The following SYNE2 variants were observed in gnomAD, a reference collection of about 807,000 sequenced individuals.
SYNE2 encodes nesprin-2.
In SYNE2, 431 loss-of-function variants were observed where a neutral mutation model predicts 856.3. The observed-to-expected ratio is 0.50, with a 90% confidence interval of 0.47 to 0.55. The LOEUF is 0.55. Among genes scored for constraint, SYNE2 ranks in the 20% least tolerant of loss-of-function variants. SYNE2 has a pLI of 0.00. For missense variants in SYNE2, 8,129 were observed against 8,023.2 expected (o/e 1.01, Z -0.50); for synonymous variants, 2,923 against 2,872.3 (o/e 1.02, Z -0.56).
intron 1 of SYNE2, among the ~76,000 whole-genome samples, chr14:63,858,766 A>G (rs960689660): frequency 6.6e-6 from 1 of 152,188 alleles, no homozygotes; most frequent in African/African-American, 2.4e-5. Context: ...TGGAGGGGAC[A>G]TTTAAACCAT....
At chr14:64,109,776 T>C (rs2097793177) in intron 65 of SYNE2, among the ~76,000 whole-genome samples, 1 of 152,180 alleles carries the variant, frequency 6.6e-6, no homozygotes, top group Admixed American at 6.5e-5. Flanking sequence ...TCTGTCTCAT[T>C]GGCACAGCAC....
chr14:63,891,106 G>A (rs1474363699), intron 1 of SYNE2, among the ~76,000 whole-genome samples: 6 of 152,178 alleles, frequency 3.9e-5, no homozygotes, highest in African/African-American at 1.4e-4. Context: ...AATTGGGATG[G>A]AAAGCCTCTA....
In SYNE2 at chr14:64,068,747, A is replaced by G. The variant is rs1255970; in HGVS notation, c.10432-1898A>G. ...CATGGTGGCAGGTGCCTGTAATCCC[A>G]GCTGCTCGGGAGGCTGAGGCAGAGG... On this transcript the variant is annotated intron_variant, in intron 51 of 115. Coordinates refer to ENST00000555002, the MANE Select transcript of SYNE2 (RefSeq NM_182914.3). 1.2e-4 allele frequency among the ~76,000 whole-genome samples: 18 copies of G among 150,836 alleles called. 1 individual carries two copies. The highest frequency in any genetic ancestry group is 4.6e-4 in the Admixed American group (7 of 15,140).
intron 1 of SYNE2, among the ~76,000 whole-genome samples, chr14:63,771,995 A>G (rs527679082): frequency 6.6e-6 from 1 of 152,366 alleles, no homozygotes; most frequent in East Asian, 1.9e-4. Flanking sequence ...TGAGAACCTC[A>G]AAAATGCTAA....
chr14:64,101,784 T>TA (rs1262466454), intron 63 of SYNE2, 148 bp from the exon 64 acceptor site: 5 of 661,648 alleles, frequency 7.6e-6, no homozygotes, highest in African/African-American at 5.5e-5. Flanking sequence ...AAAATACAGA[T>TA]AAAAAAATGG....
At chr14:64,096,673 A>C (rs778924333) in intron 61 of SYNE2, among the ~76,000 whole-genome samples, 3 of 152,232 alleles carry the variant, frequency 2.0e-5, no homozygotes, top group Non-Finnish European at 4.4e-5. Flanking sequence ...GGGTATTGGC[A>C]TAGAAATGTG....
intron 45 of SYNE2, among the ~76,000 whole-genome samples, chr14:64,033,854 A>G (rs1481282758): frequency 1.3e-5 from 2 of 152,192 alleles, no homozygotes; most frequent in Non-Finnish European, 2.9e-5. Context: ...GTCCTCAAAT[A>G]ATTTTCATAA....
intron 95 of SYNE2, among the ~76,000 whole-genome samples, chr14:64,176,379 T>C (rs1455809619): frequency 1.3e-5 from 2 of 152,230 alleles, no homozygotes; most frequent in African/African-American, 4.8e-5. Flanking sequence ...GTTTTAAATA[T>C]GATAATACTT....
chr14:63,836,739 C>T (rs987853470), intron 1 of SYNE2, among the ~76,000 whole-genome samples: 2 of 152,136 alleles, frequency 1.3e-5, no homozygotes, highest in Non-Finnish European at 2.9e-5. Context: ...TCTGTCTTTG[C>T]CTCTCCTTTC....
chr14:63,967,977 A>G (rs2096418137), intron 11 of SYNE2, 131 bp downstream of exon 11: 5 of 830,104 alleles, frequency 6.0e-6, no homozygotes, highest in Non-Finnish European at 1.0e-5. Flanking sequence ...AGCCTGGCCA[A>G]CATGGCGAAA....
chr14:63,991,595 A>T (rs571125414), intron 21 of SYNE2, among the ~76,000 whole-genome samples: 1 of 152,302 alleles, frequency 6.6e-6, no homozygotes, highest in Admixed American at 6.5e-5. Flanking sequence ...AGACCCAATA[A>T]TGTTTTGTAT....
Position 64,140,063 on chromosome 14 carries a change from A to G in SYNE2, c.14966A>G (p.Asn4989Ser), listed in dbSNP as rs202029221. 22 of 1,613,538 alleles carry G rather than the reference A, an allele frequency of 1.4e-5. No individual in the cohort carries two copies. Among genetic ancestry groups the G allele is most frequent in the Middle Eastern group, 1.6e-4 (1 of 6,084 alleles). ...TTGGATACAATCAGAAGCAACATCA[A>G]CAATTTTTTTGTAAGTTGTAATAGC... Reference protein sequence around the residue: ...QDLDTIRSNINNFFEFSKEVD... With the variant: ...QDLDTIRSNISNFFEFSKEVD... The change falls in exon 80 of 116, where the codon AAC becomes AGC. Residue 4989 changes from asparagine to serine, a missense_variant. Around this residue, in one of 3 missense-constraint regions of SYNE2, gnomAD observed 5,410 missense variants for 5,284.8 expected, o/e 1.02. Transcript: ENST00000555002.
intron 48 of SYNE2, among the ~76,000 whole-genome samples, chr14:64,055,578 A>T (rs2097262070): frequency 6.6e-6 from 1 of 152,010 alleles, no homozygotes; most frequent in South Asian, 2.1e-4. Context: ...CATACTGGCC[A>T]GGCTGGTCTT....
chr14:64,205,184 T>C (rs2098599370), intron 100 of SYNE2, among the ~76,000 whole-genome samples: 1 of 152,312 alleles, frequency 6.6e-6, no homozygotes, highest in African/African-American at 2.4e-5. Context: ...TATTCACAGA[T>C]TCCAGGATTA....
At chr14:64,211,694 A>G (rs2098642069) in intron 103 of SYNE2, among the ~76,000 whole-genome samples, 1 of 152,162 alleles carries the variant, frequency 6.6e-6, no homozygotes, top group Non-Finnish European at 1.5e-5. Flanking sequence ...AGAGACCATA[A>G]TCAACATTCC....
At chr14:64,207,300 C>T (rs571144275) in intron 100 of SYNE2, among the ~76,000 whole-genome samples, 3 of 152,216 alleles carry the variant, frequency 2.0e-5, no homozygotes, top group African/African-American at 7.2e-5. Flanking sequence ...AGGGGCTGGG[C>T]GTGGTGGCTC....
intron 21 of SYNE2, among the ~76,000 whole-genome samples, chr14:63,992,027 T>C (rs529639098): frequency 6.6e-6 from 1 of 152,220 alleles, no homozygotes; most frequent in African/African-American, 2.4e-5. Context: ...AGCATTGCTT[T>C]TCCTATGACC....
intron 103 of SYNE2, among the ~76,000 whole-genome samples, chr14:64,211,362 C>T (rs2098640143): frequency 6.6e-6 from 1 of 152,228 alleles, no homozygotes; most frequent in Admixed American, 6.5e-5. Flanking sequence ...TGAACATCAG[C>T]TGCCTATCTG....
upstream of SYNE2, among the ~76,000 whole-genome samples, chr14:63,850,885 G>C (rs1890386226): frequency 1.3e-5 from 2 of 152,182 alleles, no homozygotes; most frequent in Admixed American, 1.3e-4. Flanking sequence ...TTACCATTAT[G>C]ATTTTGCAGG....
Sources: allele counts gnomAD v4.1 joint callset (sites outside exome capture counted in the v4.1 genomes callset), GRCh38; gene constraint gnomAD v4.1.1; regional missense constraint gnomAD v4.1.1; transcripts MANE v1.5; gene names NCBI Gene and HGNC (gene_info 2026-07-23, HGNC 2026-07-21).